The following ARFGEF1 variants were observed in gnomAD, a reference collection of about 807,000 sequenced individuals.
ARFGEF1 encodes ARF guanine nucleotide exchange factor 1, also known as brefeldin A-inhibited guanine nucleotide-exchange protein 1.
A neutral mutation model predicts 231.0 loss-of-function variants in ARFGEF1; 42 were observed. The observed-to-expected ratio is 0.18, with a 90% CI of 0.14 to 0.24. ARFGEF1 has a LOEUF of 0.24. ARFGEF1 is among the 10% of genes least tolerant of loss of function. The pLI, the probability that ARFGEF1 is intolerant of heterozygous loss-of-function variation, is 1.00. For synonymous variants in ARFGEF1, 710 were observed against 732.3 expected (o/e 0.97, Z 0.49); for missense variants, 1,345 against 2,192.0 (o/e 0.61, Z 7.72).
chr8:67,313,949 G>A (rs981417461), intron 1 of ARFGEF1, among the ~76,000 whole-genome samples: 1 of 152,130 alleles, frequency 6.6e-6, no homozygotes, highest in African/African-American at 2.4e-5. Context: ...TGTGGCTGCT[G>A]TGGGGGACAG....
chr8:67,342,326 G>A (rs1808675938), intron 1 of ARFGEF1, among the ~76,000 whole-genome samples: 1 of 152,108 alleles, frequency 6.6e-6, no homozygotes, highest in Admixed American at 6.5e-5. Flanking sequence ...GATTTTCCCT[G>A]CTGCGGGCTT....
intron 10 of ARFGEF1, among the ~76,000 whole-genome samples, chr8:67,267,686 T>C (rs1451446763): frequency 6.6e-6 from 1 of 152,196 alleles, no homozygotes; most frequent in East Asian, 1.9e-4. Context: ...ACACAGCTGC[T>C]ACAAAAGAAA....
chr8:67,313,782 A>G (rs780917593), intron 1 of ARFGEF1, among the ~76,000 whole-genome samples: 1 of 152,198 alleles, frequency 6.6e-6, no homozygotes, highest in Non-Finnish European at 1.5e-5. Context: ...CAGCTGTAGT[A>G]GTGTGGAGAG....
intron 5 of ARFGEF1, among the ~76,000 whole-genome samples, chr8:67,295,151 T>G (rs1806176121): frequency 6.6e-6 from 1 of 152,040 alleles, no homozygotes; most frequent in East Asian, 1.9e-4. Context: ...ATTCAATTAA[T>G]AAATACAGAA....
intron 10 of ARFGEF1, among the ~76,000 whole-genome samples, chr8:67,267,879 T>C (rs1303506619): frequency 6.6e-6 from 1 of 152,212 alleles, no homozygotes; most frequent in Non-Finnish European, 1.5e-5. Context: ...TAACTGATAC[T>C]CTAATCAACA....
chr8:67,285,212 C>G (rs1805702952), intron 7 of ARFGEF1, among the ~76,000 whole-genome samples: 1 of 151,968 alleles, frequency 6.6e-6, no homozygotes. Context: ...CAAGGATCAT[C>G]AATGGGTGCT....
At chr8:67,213,240 G>A (rs57101332) in intron 33 of ARFGEF1, among the ~76,000 whole-genome samples, 20,708 of 152,148 alleles carry the variant, frequency 0.14, 2,875 homozygotes, top group African/African-American at 0.36. Context: ...GTCAGTTGGC[G>A]TTAGTTTGCT....
chr8:67,201,650 T>C, intron 36 of ARFGEF1, 45 bp from the exon 37 acceptor site: 1 of 1,610,716 alleles, frequency 6.2e-7, no homozygotes, highest in Non-Finnish European at 8.5e-7. Flanking sequence ...GAAGGCATCT[T>C]ATGTAAAGGT....
intron 21 of ARFGEF1, 35 bp downstream of exon 21, chr8:67,238,700 A>T (rs1383626970): frequency 1.2e-6 from 2 of 1,603,776 alleles, no homozygotes; most frequent in Non-Finnish European, 1.7e-6. Context: ...CATTTTATAA[A>T]CCAAATTGCA....
At chr8:67,307,964 C>T (rs1329658425) in intron 1 of ARFGEF1, among the ~76,000 whole-genome samples, 1 of 152,204 alleles carries the variant, frequency 6.6e-6, no homozygotes, top group Non-Finnish European at 1.5e-5. Flanking sequence ...ACTGGCTTTC[C>T]AGGCACCCCC....
chr8:67,176,789 T>C (rs927283631), intron 5 of ARFGEF1, among the ~76,000 whole-genome samples: 3 of 152,100 alleles, frequency 2.0e-5, no homozygotes, highest in African/African-American at 7.2e-5. Flanking sequence ...ATGACCTCAC[T>C]GGCCAGGCGT....
chr8:67,219,229 A>G (rs1839065158), intron 30 of ARFGEF1, among the ~76,000 whole-genome samples: 1 of 152,198 alleles, frequency 6.6e-6, no homozygotes, highest in South Asian at 2.1e-4. Flanking sequence ...GGCCTCCCAA[A>G]GTGCTGGGAT....
intron 1 of ARFGEF1, among the ~76,000 whole-genome samples, chr8:67,324,627 C>T (rs1390587812): frequency 2.0e-5 from 3 of 152,114 alleles, no homozygotes; most frequent in Non-Finnish European, 2.9e-5. Flanking sequence ...TCTACCATAG[C>T]GCCTATTTAT....
intron 36 of ARFGEF1, 60 bp downstream of exon 36, chr8:67,203,023 T>A (rs917063217): frequency 2.0e-6 from 3 of 1,537,556 alleles, no homozygotes; most frequent in Non-Finnish European, 2.7e-6. Flanking sequence ...CTGAGACCTG[T>A]ATGTACCTGT....
rs1041365301 is a variant in ARFGEF1 at position 67,198,198 on chromosome 8, C to T, written c.*736G>A. 18 of 985,510 alleles carry T rather than the reference C, an allele frequency of 1.8e-5. No individual in the cohort carries two copies. The African/African-American group carries it at 2.8e-4, about 15-fold the overall frequency. 61.0% of individuals were successfully genotyped at this position (985,510 alleles called of 1,614,324 possible). A position where few individuals can be genotyped will look rare whatever the true frequency, so the allele number is the denominator to read the frequency against. On this transcript the variant is annotated 3_prime_UTR_variant, in exon 39 of 39. Transcript: ENST00000262215. ...AGTGTCGGCCACAACAGCTTCTGGG[C>T]ATGTTACAGCCTCAAAATCACCACC... is the stretch of plus-strand genomic sequence containing the variant.
At chr8:67,343,132 C>A (rs774677581) in intron 1 of ARFGEF1, 32 bp downstream of exon 1, 1 of 1,397,614 alleles carries the variant, frequency 7.2e-7, no homozygotes, top group Non-Finnish European at 9.6e-7. Flanking sequence ...CCACAACAAG[C>A]ACCCCATCCC....
At chr8:67,277,944 T>C (rs181793500) in intron 7 of ARFGEF1, among the ~76,000 whole-genome samples, 1 of 152,332 alleles carries the variant, frequency 6.6e-6, no homozygotes, top group East Asian at 1.9e-4. Flanking sequence ...ATAAGCCCCC[T>C]TCCCGTTTTT....
chr8:67,217,805 G>T lies in ARFGEF1; in HGVS notation c.4590C>A (p.Ile1530=), dbSNP rs764885047. 20 of 1,613,852 alleles carry T rather than the reference G, an allele frequency of 1.2e-5. No homozygotes were observed. Among genetic ancestry groups the T allele is most frequent in the Non-Finnish European group, 1.7e-5 (20 of 1,179,876 alleles). ...ACGCATGTGGGATTGTGGTTTTGAAGATATCCAGTGTGCAGTTGCAAGTTT... is the reference window on the plus strand; with the variant it reads ...ACGCATGTGGGATTGTGGTTTTGAATATATCCAGTGTGCAGTTGCAAGTTT... ...WDKTCNCTLD[I]FKTTIPHALL... The change falls in exon 32 of 39, where the codon ATC becomes ATA. Residue 1530 remains isoleucine (I), a synonymous_variant. Coordinates refer to ENST00000262215, the MANE Select transcript of ARFGEF1 (RefSeq NM_006421.5).
At chr8:67,314,411 C>G (rs1807211421) in intron 1 of ARFGEF1, among the ~76,000 whole-genome samples, 1 of 152,192 alleles carries the variant, frequency 6.6e-6, no homozygotes, top group African/African-American at 2.4e-5. Flanking sequence ...CAGGAATGGG[C>G]TGCTTGGGGA....
Sources: gnomAD v4.1 joint callset for allele counts (sites outside exome capture counted in the v4.1 genomes callset) on GRCh38, gnomAD v4.1.1 for gene constraint, MANE v1.5 for transcripts, NCBI Gene and HGNC (gene_info 2026-07-23, HGNC 2026-07-21) for gene names.